PTPRD: variants seen among roughly 807,000 people sequenced by gnomAD.
PTPRD encodes the protein receptor-type tyrosine-protein phosphatase delta.
A neutral mutation model predicts 214.5 loss-of-function variants in PTPRD; 34 were observed. The observed-to-expected ratio is 0.16, with a 90% confidence interval of 0.12 to 0.21. PTPRD has a LOEUF of 0.21. PTPRD is among the 10% of genes least tolerant of loss of function. The pLI is 1.00. For synonymous variants in PTPRD, 1,128 were observed against 845.7 expected, an observed-to-expected ratio of 1.33 and a Z score of -5.79; for missense variants, 2,545 against 2,398.7, an observed-to-expected ratio of 1.06 and a Z score of -1.27.
At chr9:9,565,664 T>C (rs967365286) in intron 8 of PTPRD, among the ~76,000 whole-genome samples, 1 of 152,016 alleles carries the variant, frequency 6.6e-6, no homozygotes, top group African/African-American at 2.4e-5. Flanking sequence ...CTTTATTTTT[T>C]AAATCATTTT....
chr9:8,585,939 T>A (rs963444235), intron 14 of PTPRD, among the ~76,000 whole-genome samples: 9 of 152,228 alleles, frequency 5.9e-5, no homozygotes, highest in African/African-American at 2.2e-4. Context: ...AGTCAAAGAT[T>A]AAAATTTTAT....
intron 3 of PTPRD, among the ~76,000 whole-genome samples, chr9:10,298,917 G>C (rs2095775969): frequency 6.6e-6 from 1 of 151,956 alleles, no homozygotes; most frequent in Admixed American, 6.6e-5. Context: ...TGCCCATCTA[G>C]TTCATTGATT....
intron 12 of PTPRD, among the ~76,000 whole-genome samples, chr9:8,729,559 T>A (rs1273866448): frequency 6.6e-6 from 1 of 152,234 alleles, no homozygotes; most frequent in African/African-American, 2.4e-5. Context: ...CTACCTTGTG[T>A]TATCTGCTAA....
intron 35 of PTPRD, among the ~76,000 whole-genome samples, chr9:8,436,103 GA>G (rs1165935760): frequency 6.6e-6 from 1 of 152,110 alleles, no homozygotes; most frequent in Non-Finnish European, 1.5e-5. Context: ...TGAAAAATCA[GA>G]AGACAAATAC....
intron 5 of PTPRD, among the ~76,000 whole-genome samples, chr9:9,834,803 G>A (rs1360410983): frequency 1.3e-5 from 2 of 151,990 alleles, no homozygotes; most frequent in Non-Finnish European, 2.9e-5. Flanking sequence ...AGCTGCTAAA[G>A]AGGGACACTA....
chr9:9,669,021 G>C (rs2096775816), intron 7 of PTPRD, among the ~76,000 whole-genome samples: 1 of 152,104 alleles, frequency 6.6e-6, no homozygotes, highest in Non-Finnish European at 1.5e-5. Flanking sequence ...TTCTACAATG[G>C]CAACAAAGGG....
chr9:9,342,719 T>A (rs926054718), intron 9 of PTPRD, among the ~76,000 whole-genome samples: 1 of 151,968 alleles, frequency 6.6e-6, no homozygotes, highest in South Asian at 2.1e-4. Context: ...TTTTTTTTTT[T>A]TATTATTATA....
intron 10 of PTPRD, among the ~76,000 whole-genome samples, chr9:9,136,345 C>T (rs183870529): frequency 9.9e-5 from 15 of 152,202 alleles, no homozygotes; most frequent in Admixed American, 2.0e-4. Context: ...TTCTATAAAA[C>T]ATTTTTCTCT....
At chr9:10,554,846 G>A (rs2062129171) in intron 2 of PTPRD, among the ~76,000 whole-genome samples, 1 of 152,002 alleles carries the variant, frequency 6.6e-6, no homozygotes, top group African/African-American at 2.4e-5. Flanking sequence ...ATTTTTAGTA[G>A]ACAGGGGGTT....
At chr9:10,334,596 T>C (rs1291120923) in intron 3 of PTPRD, among the ~76,000 whole-genome samples, 3 of 151,610 alleles carry the variant, frequency 2.0e-5, no homozygotes, top group African/African-American at 7.3e-5. Context: ...CAATTTACTT[T>C]GTTTGAGAAG....
intron 5 of PTPRD, among the ~76,000 whole-genome samples, chr9:9,865,280 A>T (rs1052443582): frequency 6.6e-6 from 1 of 152,174 alleles, no homozygotes; most frequent in Admixed American, 6.5e-5. Flanking sequence ...TTAGTTCCCA[A>T]TGTGGCAGTA....
At chr9:9,879,330 G>T (rs1042490942) in intron 5 of PTPRD, among the ~76,000 whole-genome samples, 3 of 152,212 alleles carry the variant, frequency 2.0e-5, no homozygotes, top group African/African-American at 7.2e-5. Flanking sequence ...TGAAATGTCT[G>T]TATTACTTCA....
intron 11 of PTPRD, among the ~76,000 whole-genome samples, chr9:8,809,945 C>G (rs556810444): frequency 6.6e-6 from 1 of 152,296 alleles, no homozygotes; most frequent in South Asian, 2.1e-4. Context: ...CAATTTGACA[C>G]GCTCTTGCAG....
Position 8,629,072 on chromosome 9 carries a change from T to C in PTPRD, c.352+4245A>G, listed in dbSNP as rs138600037. 5.9e-5 allele frequency among the ~76,000 whole-genome samples: 9 copies of C among 151,896 alleles called. No homozygotes were observed. The East Asian group carries it at 1.7e-3, about 30-fold the overall frequency. On this transcript the variant is annotated intron_variant, in intron 14 of 45. Transcript: ENST00000381196. ...ATTTTTTAAATGACCCATTACATGC[T>C]GTTTGAGATAAGAGCAAAATAATGT...
At chr9:9,735,959 A>C (rs976132464) in intron 6 of PTPRD, among the ~76,000 whole-genome samples, 2 of 152,144 alleles carry the variant, frequency 1.3e-5, no homozygotes, top group Admixed American at 1.3e-4. Context: ...TACACAGATA[A>C]ACACCTTGAA....
chr9:8,932,773 G>C (rs1338312863), intron 11 of PTPRD, among the ~76,000 whole-genome samples: 2 of 152,190 alleles, frequency 1.3e-5, no homozygotes, highest in East Asian at 3.9e-4. Flanking sequence ...CTGGCAGAGA[G>C]AATTTCAAGC....
At chr9:8,862,943 C>T (rs1351072865) in intron 11 of PTPRD, among the ~76,000 whole-genome samples, 1 of 152,136 alleles carries the variant, frequency 6.6e-6, no homozygotes, top group African/African-American at 2.4e-5. Flanking sequence ...GGAGGGAGAG[C>T]ATCGGGAGAT....
chr9:9,883,724 G>T (rs1186746778), intron 5 of PTPRD, among the ~76,000 whole-genome samples: 1 of 152,056 alleles, frequency 6.6e-6, no homozygotes, highest in African/African-American at 2.4e-5. Context: ...TTTATTACCA[G>T]TATTAAAATA....
At chr9:10,515,331 G>A (rs2784601) in intron 2 of PTPRD, among the ~76,000 whole-genome samples, 146,878 of 152,050 alleles carry the variant, frequency 0.97, 71,134 homozygotes, top group East Asian at 1. Flanking sequence ...TACTGAAGTT[G>A]CTGGATATCT....
Sources: allele counts gnomAD v4.1 joint callset (sites outside exome capture counted in the v4.1 genomes callset), GRCh38; gene constraint gnomAD v4.1.1; transcripts MANE v1.5; gene names NCBI Gene and HGNC (gene_info 2026-07-23, HGNC 2026-07-21).